The following TTF2 variants were observed in gnomAD, a reference collection of about 807,000 sequenced individuals.
The protein encoded by TTF2 is transcription termination factor 2.
TTF2 carries 108 observed loss-of-function variants against 142.4 expected under a neutral mutation model. The ratio of observed to expected loss-of-function variants is 0.76; its 90% CI spans 0.65 to 0.89. The LOEUF (loss-of-function observed/expected upper bound fraction) is 0.89. TTF2 is among the 40% of genes least tolerant of loss of function. The probability of loss-of-function intolerance (pLI) is 0.00; values close to 1 mark genes in which losing one functional copy is unlikely to be tolerated. For missense variants in TTF2, 1,327 were observed against 1,379.8 expected (o/e 0.96, Z 0.61); for synonymous variants, 483 against 506.2 (o/e 0.95, Z 0.61).
chr1:117,095,232 G>A, intron 18 of TTF2, 77 bp from the exon 19 acceptor site: 15 of 1,404,596 alleles, frequency 1.1e-5, no homozygotes, highest in Non-Finnish European at 1.5e-5. Flanking sequence ...GTAGGAGGCT[G>A]CTTCGCATGG....
At chr1:117,065,591 T>C (rs541272679) in intron 3 of TTF2, among the ~76,000 whole-genome samples, 10 of 152,170 alleles carry the variant, frequency 6.6e-5, no homozygotes, top group East Asian at 5.8e-4. Flanking sequence ...AGCGAGACTC[T>C]GTCTCAAAAA....
Position 117,098,978 on chromosome 1 carries a change from A to G in TTF2, c.3344+71A>G, listed in dbSNP as rs956963309. ...TTGTGAAAGTCTTTCTTTCTTAGGT[A>G]GTGTTTTCATAGAATTTAAAGTATT... On this transcript the variant is annotated intron_variant, in intron 22 of 22. Transcript: ENST00000369466. 8 of 1,407,374 alleles carry G rather than the reference A, an allele frequency of 5.7e-6. No individual in the cohort carries two copies. The African/African-American group carries it at 8.7e-5, about 15-fold the overall frequency. The allele number at this position is 1,407,374 out of a possible 1,614,324, so 87.2% of individuals were successfully genotyped here.
rs1649520585 is a variant in TTF2, at chr1:117,100,707, C to T, written c.3345-673C>T. On this transcript the variant is annotated intron_variant, in intron 22 of 22. Transcript: ENST00000369466. The surrounding 1 kb of genome is among the most constrained non-coding windows in gnomAD (Gnocchi z 4.6). ...AAACCCTTGCCCAACATACAAGTCT[C>T]ATATTAAGAGTTAACTGTTTAATGG... Among the ~76,000 whole-genome samples, 1 of 152,174 alleles carries T rather than the reference C, an allele frequency of 6.6e-6. No homozygotes were observed. Among genetic ancestry groups the T allele is most frequent in the African/African-American group, 2.4e-5 (1 of 41,426 alleles).
intron 3 of TTF2, among the ~76,000 whole-genome samples, chr1:117,066,263 G>C (rs1231915794): frequency 1.3e-5 from 2 of 152,156 alleles, no homozygotes; most frequent in Non-Finnish European, 2.9e-5. Flanking sequence ...TGGTTATGAA[G>C]TGGCATTGCT....
At position 117,090,794 on chromosome 1, in the gene TTF2, T is replaced by A. The variant is rs1029042094; in HGVS notation, c.2588+171T>A. ...TTTTCTCCTTCTCCCCTCCCCAGCT[T>A]ACCTCTGTCTCATACACACATGGAA... On this transcript the variant is annotated intron_variant, in intron 15 of 22. Transcript: ENST00000369466. The surrounding 1 kb of genome is among the most constrained non-coding windows in gnomAD (Gnocchi z 4.8). 6.6e-6 allele frequency among the ~76,000 whole-genome samples: 1 copy of A among 152,128 alleles called. No individual in the cohort carries two copies. Among genetic ancestry groups the A allele is most frequent in the Non-Finnish European group, 1.5e-5 (1 of 68,018 alleles).
Position 117,106,487 on chromosome 1 carries a change from C to G in TTF2, c.*4963C>G, listed in dbSNP as rs918781498. 1 of 152,174 alleles carries G rather than the reference C, an allele frequency of 6.6e-6. No individual in the cohort carries two copies. Among genetic ancestry groups the G allele is most frequent in the Non-Finnish European group, 1.5e-5 (1 of 68,028 alleles). 9.4% of individuals were successfully genotyped at this position (152,174 alleles called of 1,614,324 possible). On this transcript the variant is annotated 3_prime_UTR_variant, in exon 23 of 23. Coordinates refer to ENST00000369466, the MANE Select transcript of TTF2 (RefSeq NM_003594.4). ...GTAATTCAGAAATGTATATTGAACACTTTTTATATGCCAGGCACTGCTGGG... is the reference window on the plus strand; with the variant it reads ...GTAATTCAGAAATGTATATTGAACAGTTTTTATATGCCAGGCACTGCTGGG...
chr1:117,079,113 G>A lies in TTF2; in HGVS notation c.1702-455G>A, dbSNP rs186527443. ...AAATTAGCTGGGCATGGTGGCATAC[G>A]CATGTAATTCCAGCTAGTCGGGAGG... is the stretch of plus-strand genomic sequence containing the variant. On this transcript the variant is annotated intron_variant, in intron 8 of 22. Transcript: ENST00000369466. This position sits in a 1 kb window ranked among gnomAD's most constrained non-coding sequence, Gnocchi z 4.2. Among the ~76,000 whole-genome samples, 74 of 152,248 alleles carry A rather than the reference G, an allele frequency of 4.9e-4. No homozygotes were observed. The highest frequency in any genetic ancestry group is 7.5e-4 in the Non-Finnish European group (51 of 68,022).
chr1:117,081,067 G>C (rs951419515), intron 9 of TTF2, among the ~76,000 whole-genome samples: 3 of 152,242 alleles, frequency 2.0e-5, no homozygotes, highest in Non-Finnish European at 2.9e-5. Context: ...GGCAGAGTGA[G>C]CAACTCTTAC....
intron 1 of TTF2, 32 bp from the exon 2 acceptor site, chr1:117,060,423 C>A: frequency 1.9e-6 from 3 of 1,609,998 alleles, no homozygotes; most frequent in South Asian, 1.1e-5. Context: ...TTTAGCGTGG[C>A]GTAATCGTTG....
rs144795813 is a variant in TTF2 at position 117,070,589 on chromosome 1, A to T, written c.219-3072A>T. ...AAGTACTTGATATGCTTTAAACAAC[A>T]GCAGGAGTTTGTTCTTGATTTATTT... is the stretch of plus-strand genomic sequence containing the variant. On this transcript the variant is annotated intron_variant, in intron 3 of 22. Transcript: ENST00000369466. This position sits in a 1 kb window ranked among gnomAD's most constrained non-coding sequence, Gnocchi z 4.2. Among the ~76,000 whole-genome samples the T allele has an allele frequency of 1.1e-4, 16 of 152,368 alleles. No individual in the cohort carries two copies. The East Asian group carries it at 3.1e-3, about 29-fold the overall frequency.
rs778963682 is a variant in TTF2, at chr1:117,060,331, TGGG to T, written c.-13_-11del. The T allele has an allele frequency of 1.3e-6, 2 of 1,594,574 alleles. No homozygotes were observed. Among genetic ancestry groups the T allele is most frequent in the South Asian group, 1.1e-5 (1 of 88,684 alleles). On this transcript the variant is annotated 5_prime_UTR_variant, in exon 1 of 23. Transcript: ENST00000369466. ...ATTGGGGGCGGGGCTTTGTGGAACT[TGGG>T]GGACCCAGCGAAATGGAAGAAGTTA...
At position 117,071,595 on chromosome 1, in the gene TTF2, T is replaced by C. The variant is rs991056178; in HGVS notation, c.219-2066T>C. On this transcript the variant is annotated intron_variant, in intron 3 of 22. Coordinates refer to ENST00000369466, the MANE Select transcript of TTF2 (RefSeq NM_003594.4). ...GGGCTTCTCACTGTGTTTTTAATAC[T>C]TATTGATTGAATACTTTACCTATTT... 2.6e-5 allele frequency among the ~76,000 whole-genome samples: 4 copies of C among 151,820 alleles called. No individual in the cohort carries two copies. The Admixed American group carries it at 2.6e-4, about 10-fold the overall frequency.
intron 2 of TTF2, among the ~76,000 whole-genome samples, chr1:117,061,880 C>G (rs1325137840): frequency 1.3e-5 from 2 of 152,120 alleles, no homozygotes; most frequent in African/African-American, 4.8e-5. Context: ...TCACTCAAAC[C>G]TGTTTACTCT....
rs1480517743 is a variant in TTF2, at chr1:117,087,595, A to G, written c.2160+1073A>G. 2.0e-5 allele frequency among the ~76,000 whole-genome samples: 3 copies of G among 151,974 alleles called. No homozygotes were observed. Among genetic ancestry groups the G allele is most frequent in the Non-Finnish European group, 2.9e-5 (2 of 67,974 alleles). On this transcript the variant is annotated intron_variant, in intron 12 of 22. Transcript: ENST00000369466. The surrounding 1 kb of genome is among the most constrained non-coding windows in gnomAD (Gnocchi z 4.8). ...GGCATGAGCCACCATGCCTGGCCAT[A>G]TTAGGCTCTTTATGATCTTGCCCTA...
chr1:117,086,946 G>GAA lies in TTF2; in HGVS notation c.2160+434_2160+435dup, dbSNP rs59907394. ...TTTCCCTGCCTCCCTTTACTTCCCA[G>GAA]AAAAAAAAAAAGGGTTGCAAATAAT... On this transcript the variant is annotated intron_variant, in intron 12 of 22. Coordinates refer to ENST00000369466, the MANE Select transcript of TTF2 (RefSeq NM_003594.4). The surrounding 1 kb of genome is among the most constrained non-coding windows in gnomAD (Gnocchi z 4.2). 1.4e-5 allele frequency among the ~76,000 whole-genome samples: 2 copies of GAA among 142,514 alleles called. No homozygotes were observed. The highest frequency in any genetic ancestry group is 5.1e-5 in the African/African-American group (2 of 39,070). 93.5% of individuals were successfully genotyped at this position (142,514 alleles called of 152,430 possible). A position where few individuals can be genotyped will look rare whatever the true frequency, so the allele number is the denominator to read the frequency against.
At position 117,097,667 on chromosome 1, in the gene TTF2, A is replaced by G. The variant is rs1265128089; in HGVS notation, c.3269+234A>G. On this transcript the variant is annotated intron_variant, in intron 21 of 22. Transcript: ENST00000369466. The surrounding 1 kb of genome is among the most constrained non-coding windows in gnomAD (Gnocchi z 4.1). The stretch of plus-strand genomic sequence containing the variant: ...CTACTCAAAATAGTTCATTCACGTT[A>G]TTGTTAGTCTAACATCTGTTTCCAT... 6.6e-6 allele frequency among the ~76,000 whole-genome samples: 1 copy of G among 152,170 alleles called. No individual in the cohort carries two copies. Among genetic ancestry groups the G allele is most frequent in the Admixed American group, 6.5e-5 (1 of 15,280 alleles).
intron 13 of TTF2, 126 bp from the exon 14 acceptor site, chr1:117,089,929 A>G: frequency 8.9e-7 from 1 of 1,128,170 alleles, no homozygotes; most frequent in Non-Finnish European, 1.2e-6. Context: ...TTCACTTTTA[A>G]AAGTGATTGG....
rs1243296171 is a variant in TTF2 at position 117,104,716 on chromosome 1, C to T, written c.*3192C>T. On this transcript the variant is annotated 3_prime_UTR_variant, in exon 23 of 23. Transcript: ENST00000369466. ...ATATACTAAACATGCATTCTTAAAT[C>T]CTAGTGCTGGGATGGATTACATGAA... is the stretch of plus-strand genomic sequence containing the variant. The T allele has an allele frequency of 6.6e-6, 1 of 152,166 alleles. No individual in the cohort carries two copies. The highest frequency in any genetic ancestry group is 1.5e-5 in the Non-Finnish European group (1 of 68,030). The allele number at this position is 152,166 out of a possible 1,614,324, so 9.4% of individuals were successfully genotyped here. A position where few individuals can be genotyped will look rare whatever the true frequency, so the allele number is the denominator to read the frequency against.
chr1:117,061,964 A>G (rs1281385816), intron 2 of TTF2, among the ~76,000 whole-genome samples: 1 of 152,214 alleles, frequency 6.6e-6, no homozygotes, highest in African/African-American at 2.4e-5. Context: ...CAAAACAAGA[A>G]GCATATAGGG....
Sources: gnomAD v4.1 joint callset for allele counts (sites outside exome capture counted in the v4.1 genomes callset) on GRCh38, gnomAD v4.1.1 for gene constraint, Gnocchi (gnomAD v3.1) non-coding constraint, MANE v1.5 for transcripts, NCBI Gene and HGNC (gene_info 2026-07-23, HGNC 2026-07-21) for gene names.